Variants in ZFP14 observed in about 807,000 individuals in gnomAD.
ZFP14 encodes the protein zinc finger protein 14 homolog.
ZFP14 carries 22 observed loss-of-function variants against 54.5 expected under a neutral mutation model. That is an observed-to-expected ratio of 0.40 (90% CI 0.29 to 0.58). The LOEUF (loss-of-function observed/expected upper bound fraction) is 0.58, where lower values mean the gene tolerates loss of function less well. Ranked by LOEUF, ZFP14 falls within the 20% of genes least tolerant of loss-of-function variation. The pLI, the probability that ZFP14 is intolerant of heterozygous loss-of-function variation, is 0.39. For missense variants in ZFP14, 470 were observed against 637.8 expected, an observed-to-expected ratio of 0.74 and a Z score of 2.83; for synonymous variants, 159 against 204.0, an observed-to-expected ratio of 0.78 and a Z score of 1.88.
intron 1 of ZFP14, among the ~76,000 whole-genome samples, chr19:36,371,882 C>T (rs2031881956): frequency 6.7e-6 from 1 of 149,774 alleles, no homozygotes; most frequent in Non-Finnish European, 1.5e-5. Context: ...CACTTGGACC[C>T]AGAAGTTCAA....
intron 4 of ZFP14, among the ~76,000 whole-genome samples, chr19:36,358,086 A>G (rs2031649432): frequency 7.1e-6 from 1 of 140,938 alleles, no homozygotes; most frequent in African/African-American, 2.8e-5. Flanking sequence ...CTATCTATCT[A>G]TCTATCATCT....
chr19:36,349,146 T>A (rs1193394142), intron 4 of ZFP14, among the ~76,000 whole-genome samples: 1 of 146,668 alleles, frequency 6.8e-6, no homozygotes, highest in Non-Finnish European at 1.5e-5. Context: ...GGAGAATCAC[T>A]TGAACCCAGG....
chr19:36,344,001 CTT>C (rs2031369546), intron 4 of ZFP14, among the ~76,000 whole-genome samples: 1 of 152,056 alleles, frequency 6.6e-6, no homozygotes, highest in South Asian at 2.1e-4. Context: ...TTAGCACACT[CTT>C]TCTCTTTTCT....
Position 36,340,054 on chromosome 19 carries a change from A to G in ZFP14, c.*170T>C. 1 of 615,734 alleles carries G rather than the reference A, an allele frequency of 1.6e-6. No homozygotes were observed. The allele number at this position is 615,734 out of a possible 1,614,324, so 38.1% of individuals were successfully genotyped here. The stretch of plus-strand genomic sequence containing the variant: ...TTCATTACATTATTCTCTCATAGGA[A>G]TTTGCTGAAGATAAACCATGTTTAA... On this transcript the variant is annotated 3_prime_UTR_variant, in exon 5 of 5. Transcript: ENST00000270001. The surrounding 1 kb of genome is among the most constrained non-coding windows in gnomAD (Gnocchi z 5.4).
intron 4 of ZFP14, among the ~76,000 whole-genome samples, chr19:36,342,379 G>A (rs1037656926): frequency 4.6e-5 from 7 of 151,316 alleles, no homozygotes; most frequent in African/African-American, 1.2e-4. Context: ...TAGAGACAGG[G>A]TTTCACCATG....
Position 36,340,183 on chromosome 19 carries a change from G to T in ZFP14, c.*41C>A. On this transcript the variant is annotated 3_prime_UTR_variant, in exon 5 of 5. Transcript: ENST00000270001. This position sits in a 1 kb window ranked among gnomAD's most constrained non-coding sequence, Gnocchi z 5.4. ...ACATTTTCTCAAAAATGAATTTTCT[G>T]ATGTTCTGTAACATCATATACATTT... 6.7e-7 allele frequency: 1 copy of T among 1,482,872 alleles called. No individual in the cohort carries two copies. The allele number at this position is 1,482,872 out of a possible 1,614,324, so 91.9% of individuals were successfully genotyped here.
chr19:36,345,291 T>C (rs1404902520), intron 4 of ZFP14, among the ~76,000 whole-genome samples: 1 of 152,148 alleles, frequency 6.6e-6, no homozygotes, highest in African/African-American at 2.4e-5. Context: ...TGTTCCTTCA[T>C]ATCCTCCCCA....
At chr19:36,375,964 A>G (rs2031955961) in intron 1 of ZFP14, among the ~76,000 whole-genome samples, 1 of 151,802 alleles carries the variant, frequency 6.6e-6, no homozygotes, top group Non-Finnish European at 1.5e-5. Flanking sequence ...AAGTGCTGAG[A>G]TTACAGACAT....
chr19:36,341,343 CTCAG>C lies in ZFP14; in HGVS notation c.479_482del (p.Thr160SerfsTer31). 6.2e-7 allele frequency: 1 copy of C among 1,614,158 alleles called. No individual in the cohort carries two copies. Among genetic ancestry groups the C allele is most frequent in the South Asian group, 1.1e-5 (1 of 91,070 alleles). The stretch of plus-strand genomic sequence containing the variant: ...TTTCTCCATTATGAACGATCTGATA[CTCAG>C]TAAGAAAATTGTGCCTTTTGTAAGT... On this transcript the variant is annotated frameshift_variant, in exon 5 of 5. Coordinates refer to ENST00000270001, the MANE Select transcript of ZFP14 (RefSeq NM_020917.3). LOFTEE classifies it high-confidence loss of function. This position sits in a 1 kb window ranked among gnomAD's most constrained non-coding sequence, Gnocchi z 4.2.
chr19:36,346,765 T>A (rs1477909336), intron 4 of ZFP14, among the ~76,000 whole-genome samples: 1 of 152,218 alleles, frequency 6.6e-6, no homozygotes, highest in Non-Finnish European at 1.5e-5. Flanking sequence ...CGCTCTCACA[T>A]TTTTTGTACA....
intron 4 of ZFP14, among the ~76,000 whole-genome samples, chr19:36,344,591 C>T (rs768323286): frequency 2.0e-4 from 31 of 152,112 alleles, no homozygotes; most frequent in Non-Finnish European, 3.7e-4. Context: ...ACAGACCAGT[C>T]CATGGTCTGT....
In ZFP14 at chr19:36,341,574, G is replaced by C; in HGVS notation, c.252C>G (p.Tyr84Ter). 1 of 1,564,672 alleles carries C rather than the reference G, an allele frequency of 6.4e-7. No homozygotes were observed. Among genetic ancestry groups the C allele is most frequent in the Non-Finnish European group, 8.6e-7 (1 of 1,159,942 alleles). ...TTTCTGGAGATAAAGTATTGGTCCT[G>C]TATCTGGACTCCAAATCTGAAAGAA... is the stretch of plus-strand genomic sequence containing the variant. ...RRYCPDLESR[Y>*]RTNTLSPEKD... Residue 84 changes from tyrosine (Y) to a stop codon, truncating the protein, a stop_gained, in exon 5 of 5, where the codon TAC (tyrosine) becomes TAG (stop). Coordinates refer to ENST00000270001, the MANE Select transcript of ZFP14 (RefSeq NM_020917.3). LOFTEE classifies it high-confidence loss of function. This position sits in a 1 kb window ranked among gnomAD's most constrained non-coding sequence, Gnocchi z 4.2.
chr19:36,358,947 C>T (rs1312042714), intron 4 of ZFP14, among the ~76,000 whole-genome samples: 2 of 152,120 alleles, frequency 1.3e-5, no homozygotes, highest in Non-Finnish European at 2.9e-5. Context: ...AGAAGAGAGG[C>T]CTCAACTAGC....
In ZFP14 at chr19:36,341,112, T is replaced by G. The variant is rs777927968; in HGVS notation, c.714A>C (p.Thr238=). ...GATGTTGAGTAAGTTCTTGGAGCACTGTAAAGGCCTTCCCACACTCCTTAC... is the reference window on the plus strand; with the variant it reads ...GATGTTGAGTAAGTTCTTGGAGCACGGTAAAGGCCTTCCCACACTCCTTAC... ...YECKECGKAF[T]VLQELTQHQR... Residue 238 remains threonine (T), a synonymous_variant, in exon 5 of 5, where the codon ACA becomes ACC. Coordinates refer to ENST00000270001, the MANE Select transcript of ZFP14 (RefSeq NM_020917.3). This position sits in a 1 kb window ranked among gnomAD's most constrained non-coding sequence, Gnocchi z 4.2. The G allele has an allele frequency of 1.2e-6, 2 of 1,614,086 alleles. No homozygotes were observed. The highest frequency in any genetic ancestry group is 4.5e-5 in the East Asian group (2 of 44,884).
At chr19:36,350,222 GAACA>G (rs1412120427) in intron 4 of ZFP14, among the ~76,000 whole-genome samples, 1 of 141,434 alleles carries the variant, frequency 7.1e-6, no homozygotes, top group African/African-American at 2.6e-5. Flanking sequence ...ACAGAGAAAA[GAACA>G]AAAATGAGAA....
At chr19:36,374,445 G>C (rs911032550) in intron 1 of ZFP14, among the ~76,000 whole-genome samples, 1 of 148,524 alleles carries the variant, frequency 6.7e-6, no homozygotes, top group Non-Finnish European at 1.5e-5. Context: ...AGCCGATGTC[G>C]TGCCGTTGCA....
At chr19:36,370,656 A>G (rs999594117) in intron 1 of ZFP14, among the ~76,000 whole-genome samples, 2 of 152,238 alleles carry the variant, frequency 1.3e-5, no homozygotes, top group African/African-American at 4.8e-5. Context: ...GGGGCATGCT[A>G]TGTGCAACAC....
intron 1 of ZFP14, among the ~76,000 whole-genome samples, chr19:36,373,398 G>T (rs2031910527): frequency 6.6e-6 from 1 of 152,006 alleles, no homozygotes; most frequent in Non-Finnish European, 1.5e-5. Context: ...GGGGGGAAAT[G>T]GCAAGGTTGA....
chr19:36,371,466 A>G (rs1221012940), intron 1 of ZFP14, among the ~76,000 whole-genome samples: 1 of 152,190 alleles, frequency 6.6e-6, no homozygotes, highest in Admixed American at 6.5e-5. Flanking sequence ...CAGAACATCA[A>G]CAGCAGAATT....
Sources: gnomAD v4.1 joint callset for allele counts (sites outside exome capture counted in the v4.1 genomes callset) on GRCh38, gnomAD v4.1.1 for gene constraint, Gnocchi (gnomAD v3.1) non-coding constraint, MANE v1.5 for transcripts, NCBI Gene and HGNC (gene_info 2026-07-23, HGNC 2026-07-21) for gene names.